RHBDL2: variants seen among roughly 807,000 people sequenced by gnomAD.
The protein encoded by RHBDL2 is rhomboid-related protein 2.
Under a neutral mutation model 31.7 loss-of-function variants are expected in RHBDL2, and 26 were observed. The observed-to-expected ratio is 0.82, with a 90% CI of 0.60 to 1.14. The LOEUF is 1.14. RHBDL2 is among the 50% of genes most tolerant of loss of function. The probability of loss-of-function intolerance (pLI) is 0.00; values close to 1 mark genes in which losing one functional copy is unlikely to be tolerated. For missense variants in RHBDL2, 336 were observed against 364.4 expected, an observed-to-expected ratio of 0.92 and a Z score of 0.63; for synonymous variants, 123 against 127.2, an observed-to-expected ratio of 0.97 and a Z score of 0.22.
At chr1:38,901,709 G>A (rs2124313074) in intron 4 of RHBDL2, among the ~76,000 whole-genome samples, 1 of 151,260 alleles carries the variant, frequency 6.6e-6, no homozygotes, top group South Asian at 2.1e-4. Flanking sequence ...GGTGGCACAT[G>A]CCTGTAGTCC....
intron 3 of RHBDL2, among the ~76,000 whole-genome samples, chr1:38,912,669 C>T (rs959239894): frequency 2.4e-4 from 37 of 151,316 alleles, no homozygotes; most frequent in Non-Finnish European, 5.9e-5. Flanking sequence ...AATCCATCCA[C>T]CTCAGCCCCT....
chr1:38,920,279 T>C (rs1258640406), intron 1 of RHBDL2, among the ~76,000 whole-genome samples: 1 of 147,460 alleles, frequency 6.8e-6, no homozygotes, highest in African/African-American at 2.5e-5. Context: ...GCGATTCTCC[T>C]GCCTCAGCCT....
chr1:38,890,878 GA>G (rs1439189975), intron 6 of RHBDL2, among the ~76,000 whole-genome samples: 1 of 152,010 alleles, frequency 6.6e-6, no homozygotes, highest in African/African-American at 2.4e-5. Context: ...TTTTTTTGTA[GA>G]GACAGAGTCT....
At chr1:38,918,221 G>A (rs1376729724) in intron 2 of RHBDL2, among the ~76,000 whole-genome samples, 1 of 152,192 alleles carries the variant, frequency 6.6e-6, no homozygotes, top group Non-Finnish European at 1.5e-5. Flanking sequence ...AATACAGTTT[G>A]TGATAAGGAA....
intron 3 of RHBDL2, among the ~76,000 whole-genome samples, chr1:38,912,908 A>ATGTGTGTGTGTG (rs1275947345): frequency 5.7e-5 from 2 of 35,320 alleles, no homozygotes; most frequent in African/African-American, 1.9e-4. Flanking sequence ...ATATATATAT[A>ATGTGTGTGTGTG]TATGTGTGTG....
At chr1:38,919,607 T>A (rs1643284548) in intron 1 of RHBDL2, among the ~76,000 whole-genome samples, 1 of 150,854 alleles carries the variant, frequency 6.6e-6, no homozygotes, top group Non-Finnish European at 1.5e-5. Context: ...ATATATATTT[T>A]TTCTTTTTTT....
In RHBDL2 at chr1:38,919,266, G is replaced by A; in HGVS notation, c.-54C>T. ...GGACATGAATCCCAGGGAACAGCAG[G>A]TGGCCCTAGGTCCTCAGGCTGCCGC... On this transcript the variant is annotated 5_prime_UTR_variant, in exon 2 of 8. Transcript: ENST00000372990. The A allele has an allele frequency of 6.2e-7, 1 of 1,613,048 alleles. No homozygotes were observed. Among genetic ancestry groups the A allele is most frequent in the South Asian group, 1.1e-5 (1 of 90,964 alleles).
chr1:38,937,556 T>A (rs1245695158), intron 1 of RHBDL2, among the ~76,000 whole-genome samples: 1 of 152,152 alleles, frequency 6.6e-6, no homozygotes, highest in Admixed American at 6.6e-5. Context: ...ATGGACTCTT[T>A]TAATGTTATC....
chr1:38,927,263 T>TA (rs1400174246), intron 1 of RHBDL2, among the ~76,000 whole-genome samples: 1 of 151,874 alleles, frequency 6.6e-6, no homozygotes, highest in East Asian at 1.9e-4. Context: ...CCGTCTCTAC[T>TA]AAAAATACAA....
intron 3 of RHBDL2, among the ~76,000 whole-genome samples, chr1:38,915,039 A>T (rs1643213353): frequency 6.6e-6 from 1 of 151,872 alleles, no homozygotes; most frequent in South Asian, 2.1e-4. Context: ...AAAAAAAAAA[A>T]AAAGTAAGAA....
intron 5 of RHBDL2, among the ~76,000 whole-genome samples, chr1:38,895,058 A>C (rs4388668): frequency 6.6e-6 from 1 of 151,940 alleles, no homozygotes; most frequent in Non-Finnish European, 1.5e-5. Flanking sequence ...AATCACCCCA[A>C]ATTTTTTTCA....
chr1:38,894,531 C>T (rs918266315), intron 5 of RHBDL2, among the ~76,000 whole-genome samples: 1 of 151,564 alleles, frequency 6.6e-6, no homozygotes, highest in Non-Finnish European at 1.5e-5. Flanking sequence ...CCACGTTGGC[C>T]AGGATGGTCC....
chr1:38,918,328 A>G (rs1285924238), intron 2 of RHBDL2, among the ~76,000 whole-genome samples: 1 of 152,172 alleles, frequency 6.6e-6, no homozygotes, highest in Non-Finnish European at 1.5e-5. Context: ...ATGGTTGGCC[A>G]GTTCCTTTAT....
At chr1:38,908,932 A>G (rs748800260) in intron 4 of RHBDL2, among the ~76,000 whole-genome samples, 4 of 152,214 alleles carry the variant, frequency 2.6e-5, no homozygotes, top group Non-Finnish European at 2.9e-5. Context: ...ATTGAGTGGA[A>G]GTAGCTCTCA....
chr1:38,912,948 G>GTGTGTGTA lies in RHBDL2; in HGVS notation c.396-1515_396-1514insTACACACA, dbSNP rs776145220. On this transcript the variant is annotated intron_variant, in intron 3 of 7. Transcript: ENST00000372990. ...TGTGTGTGTGTGTGTGTGTGTGTGT[G>GTGTGTGTA]TATTTACATATACACGTGTGTGTGT... Among the ~76,000 whole-genome samples, 684 of 106,386 alleles carry GTGTGTGTA rather than the reference G, an allele frequency of 6.4e-3. 22 individuals carry two copies. The highest frequency in any genetic ancestry group is 0.02 in the African/African-American group (469 of 23,904). 69.8% of individuals were successfully genotyped at this position (106,386 alleles called of 152,430 possible).
At chr1:38,888,164 C>A (rs1642810120) in intron 6 of RHBDL2, 140 bp from the exon 7 acceptor site, 1 of 596,864 alleles carries the variant, frequency 1.7e-6, no homozygotes, top group Non-Finnish European at 3.0e-6. Context: ...TCTAAGAGAT[C>A]TTTTAACTCA....
At chr1:38,915,000 G>A (rs1016818254) in intron 3 of RHBDL2, among the ~76,000 whole-genome samples, 7 of 150,104 alleles carry the variant, frequency 4.7e-5, no homozygotes, top group Admixed American at 2.0e-4. Flanking sequence ...CTGCACTCTA[G>A]CCTGGTGACA....
intron 1 of RHBDL2, among the ~76,000 whole-genome samples, chr1:38,927,341 G>A (rs988035019): frequency 1.3e-5 from 2 of 152,136 alleles, no homozygotes; most frequent in Middle Eastern, 3.4e-3. Context: ...GCAGGAGAAC[G>A]GCATGAACCT....
At chr1:38,911,634 GT>G (rs1290385981) in intron 3 of RHBDL2, among the ~76,000 whole-genome samples, 200 bp from the exon 4 acceptor site, 1 of 125,326 alleles carries the variant, frequency 8.0e-6, no homozygotes. Context: ...GTGTGTGTGT[GT>G]GTGTGTGTGT....
Sources: allele counts gnomAD v4.1 joint callset (sites outside exome capture counted in the v4.1 genomes callset), GRCh38; gene constraint gnomAD v4.1.1; transcripts MANE v1.5; gene names NCBI Gene and HGNC (gene_info 2026-07-23, HGNC 2026-07-21).